LRFN2: variants seen among roughly 807,000 people sequenced by gnomAD.
LRFN2 encodes the protein leucine rich repeat and fibronectin type III domain containing 2.
A neutral mutation model predicts 37.3 loss-of-function variants in LRFN2; 18 were observed. That is an observed-to-expected ratio of 0.48 (90% CI 0.33 to 0.72). LRFN2 has a LOEUF of 0.72. Among genes scored for constraint, LRFN2 ranks in the 30% least tolerant of loss-of-function variants. LRFN2 has a pLI of 0.02. For synonymous variants in LRFN2, 556 were observed against 466.6 expected, an observed-to-expected ratio of 1.19 and a Z score of -2.47; for missense variants, 1,006 against 1,060.7, an observed-to-expected ratio of 0.95 and a Z score of 0.72.
chr6:40,471,594 C>T (rs529006849), intron 1 of LRFN2, among the ~76,000 whole-genome samples: 1 of 152,234 alleles, frequency 6.6e-6, no homozygotes, highest in East Asian at 1.9e-4. Flanking sequence ...CTGCAGCCAC[C>T]CCCAACTCCA....
chr6:40,483,140 AC>A (rs1764873592), intron 1 of LRFN2, among the ~76,000 whole-genome samples: 1 of 152,236 alleles, frequency 6.6e-6, no homozygotes, highest in Non-Finnish European at 1.5e-5. Context: ...TTCCTCATCC[AC>A]AAAATGGGTG....
intron 2 of LRFN2, among the ~76,000 whole-genome samples, chr6:40,397,037 C>T (rs1762631031): frequency 6.6e-6 from 1 of 152,212 alleles, no homozygotes; most frequent in South Asian, 2.1e-4. Context: ...AGGTCCATTG[C>T]ATCCCACAGC....
chr6:40,544,240 G>A lies in LRFN2; in HGVS notation c.-19+42701C>T, dbSNP rs555274008. 4.6e-5 allele frequency among the ~76,000 whole-genome samples: 7 copies of A among 152,344 alleles called. No homozygotes were observed. In the South Asian group the frequency reaches 6.2e-4, roughly 14 times the overall value. ...AAGCACAATGTCCTTCCTGACCCAC[G>A]GAAGTCCGCAGAGTGTCTCACCCAT... On this transcript the variant is annotated intron_variant, in intron 1 of 2. Transcript: ENST00000338305.
At chr6:40,579,868 G>A (rs1561914945) in intron 1 of LRFN2, among the ~76,000 whole-genome samples, 1 of 152,162 alleles carries the variant, frequency 6.6e-6, no homozygotes, top group Non-Finnish European at 1.5e-5. Flanking sequence ...AATGCTTGCT[G>A]AATTAAACTA....
At position 40,392,679 on chromosome 6, in the gene LRFN2, G is replaced by T; in HGVS notation, c.1634C>A (p.Thr545Lys). ...GAGGATGACGATGAAGACCAGCAGC[G>T]TGGCCACGATGATGCCCCCGATGAC... ...ILVIGGIIVA[T>K]LLVFIVILMV... Residue 545 changes from threonine to lysine, a missense_variant, in exon 3 of 3, where the codon ACG becomes AAG. Transcript: ENST00000338305. This position sits in a 1 kb window ranked among gnomAD's most constrained non-coding sequence, Gnocchi z 4.7. The T allele has an allele frequency of 1.9e-6, 3 of 1,613,934 alleles. No homozygotes were observed. The highest frequency in any genetic ancestry group is 2.5e-6 in the Non-Finnish European group (3 of 1,180,028).
chr6:40,431,227 A>G (rs1431673536), intron 2 of LRFN2, among the ~76,000 whole-genome samples: 8 of 152,192 alleles, frequency 5.3e-5, no homozygotes, highest in Non-Finnish European at 1.2e-4. Flanking sequence ...GAGGGAGGCC[A>G]GGAGAATGAA....
intron 1 of LRFN2, among the ~76,000 whole-genome samples, chr6:40,445,013 C>G (rs1177228259): frequency 6.6e-6 from 1 of 152,084 alleles, no homozygotes; most frequent in Non-Finnish European, 1.5e-5. Context: ...CACCTCACCC[C>G]CCCAGGGACC....
chr6:40,394,732 T>G (rs1164683435), intron 2 of LRFN2, among the ~76,000 whole-genome samples: 1 of 152,104 alleles, frequency 6.6e-6, no homozygotes, highest in Non-Finnish European at 1.5e-5. Context: ...GGGAGGGACC[T>G]GGTGGGAGGT....
intron 2 of LRFN2, among the ~76,000 whole-genome samples, chr6:40,402,286 T>C (rs375275652): frequency 1.9e-4 from 29 of 152,282 alleles, no homozygotes; most frequent in Middle Eastern, 3.4e-3. Flanking sequence ...CTCAGGCAGA[T>C]AGAACCCCTG....
chr6:40,392,534 C>T lies in LRFN2; in HGVS notation c.1779G>A (p.Gly593=), dbSNP rs368616967. 2.1e-3 allele frequency: 3,299 copies of T among 1,573,680 alleles called. 8 individuals carry two copies. The highest frequency in any genetic ancestry group is 2.6e-3 in the Non-Finnish European group (3,001 of 1,162,928). The part of the protein sequence containing the change: ...QPPPPSSAPA[G]APPQGPPKVV... ...CCTTCGGCGGGCCCTGCGGCGGGGC[C>T]CCGGCTGGTGCGCTGCTTGGAGGCG... Residue 593 remains glycine, a synonymous_variant, in exon 3 of 3, where the codon GGG becomes GGA. Coordinates refer to ENST00000338305, the MANE Select transcript of LRFN2 (RefSeq NM_020737.3). The surrounding 1 kb of genome is among the most constrained non-coding windows in gnomAD (Gnocchi z 4.7).
chr6:40,531,951 T>C (rs1157068405), intron 1 of LRFN2, among the ~76,000 whole-genome samples: 2 of 152,198 alleles, frequency 1.3e-5, no homozygotes, highest in East Asian at 3.8e-4. Flanking sequence ...TCTGTGAACA[T>C]CTTGGAGGCA....
intron 1 of LRFN2, among the ~76,000 whole-genome samples, chr6:40,445,091 C>T (rs1358756012): frequency 6.6e-6 from 1 of 152,192 alleles, no homozygotes; most frequent in African/African-American, 2.4e-5. Context: ...CCCACGTGGG[C>T]ATGCAGACAT....
chr6:40,486,069 G>A (rs1044747754), intron 1 of LRFN2, among the ~76,000 whole-genome samples: 4 of 152,198 alleles, frequency 2.6e-5, no homozygotes, highest in Admixed American at 2.0e-4. Flanking sequence ...GCTGAAAGGA[G>A]AGTACCCATC....
intron 2 of LRFN2, among the ~76,000 whole-genome samples, chr6:40,429,540 CA>C (rs112907608): frequency 0.11 from 17,437 of 152,228 alleles, 1,079 homozygotes; most frequent in Non-Finnish European, 0.13. Context: ...TTTCACCTCT[CA>C]AATTGGCAAA....
At chr6:40,452,137 G>A (rs1764125047) in intron 1 of LRFN2, among the ~76,000 whole-genome samples, 1 of 152,188 alleles carries the variant, frequency 6.6e-6, no homozygotes, top group Non-Finnish European at 1.5e-5. Context: ...TGTCCGAAGT[G>A]TCCAATCTTA....
At chr6:40,548,324 C>T (rs561102512) in intron 1 of LRFN2, among the ~76,000 whole-genome samples, 1 of 152,144 alleles carries the variant, frequency 6.6e-6, no homozygotes, top group South Asian at 2.1e-4. Context: ...ACCTGTAATT[C>T]CAGTTACTTG....
chr6:40,521,295 G>A (rs905076222), intron 1 of LRFN2, among the ~76,000 whole-genome samples: 1 of 152,140 alleles, frequency 6.6e-6, no homozygotes, highest in African/African-American at 2.4e-5. Context: ...AGTGGGGAGA[G>A]GTTTAGAAAG....
chr6:40,454,505 T>C (rs1241631910), intron 1 of LRFN2, among the ~76,000 whole-genome samples: 1 of 152,162 alleles, frequency 6.6e-6, no homozygotes, highest in Non-Finnish European at 1.5e-5. Flanking sequence ...GGAAGTTTTA[T>C]AGGGTCATGC....
At chr6:40,434,397 T>C (rs1763591871) in intron 1 of LRFN2, among the ~76,000 whole-genome samples, 1 of 152,248 alleles carries the variant, frequency 6.6e-6, no homozygotes, top group Non-Finnish European at 1.5e-5. Context: ...TGATAGCCAG[T>C]TGAGTTGGAC....
Sources: gnomAD v4.1 joint callset for allele counts (sites outside exome capture counted in the v4.1 genomes callset) on GRCh38, gnomAD v4.1.1 for gene constraint, Gnocchi (gnomAD v3.1) non-coding constraint, MANE v1.5 for transcripts, NCBI Gene and HGNC (gene_info 2026-07-23, HGNC 2026-07-21) for gene names.